The following SESN2 variants were observed in gnomAD, a reference collection of about 807,000 sequenced individuals.
The protein encoded by SESN2 is sestrin 2.
A neutral mutation model predicts 56.0 loss-of-function variants in SESN2; 42 were observed. The ratio of observed to expected loss-of-function variants is 0.75; its 90% CI spans 0.59 to 0.97. The LOEUF (loss-of-function observed/expected upper bound fraction) is 0.97. Among genes scored for constraint, SESN2 ranks in the 50% least tolerant of loss-of-function variants. The pLI is 0.00. For missense variants in SESN2, 507 were observed against 649.4 expected, an observed-to-expected ratio of 0.78 and a Z score of 2.38; for synonymous variants, 264 against 267.1, an observed-to-expected ratio of 0.99 and a Z score of 0.11.
intron 2 of SESN2, among the ~76,000 whole-genome samples, chr1:28,271,015 G>A (rs1221259722): frequency 2.0e-5 from 3 of 151,986 alleles, no homozygotes; most frequent in African/African-American, 7.2e-5. Flanking sequence ...GACCCCGTCT[G>A]TATTAAAAAA....
intron 1 of SESN2, among the ~76,000 whole-genome samples, chr1:28,262,923 G>T (rs1452221451): frequency 6.6e-6 from 1 of 152,086 alleles, no homozygotes; most frequent in Non-Finnish European, 1.5e-5. Flanking sequence ...GTGAGACTCC[G>T]TCTCAAAAAA....
intron 8 of SESN2, among the ~76,000 whole-genome samples, chr1:28,278,584 A>C (rs947161087): frequency 2.6e-5 from 4 of 152,214 alleles, no homozygotes; most frequent in Non-Finnish European, 4.4e-5. Flanking sequence ...AAACAAAAAC[A>C]TACTGAAATT....
chr1:28,274,216 T>A, intron 7 of SESN2, 58 bp downstream of exon 7: 1 of 1,131,302 alleles, frequency 8.8e-7, no homozygotes, highest in Non-Finnish European at 1.3e-6. Flanking sequence ...AAGCAGTGGG[T>A]GGATAGTTTG....
intron 2 of SESN2, among the ~76,000 whole-genome samples, 178 bp from the exon 3 acceptor site, chr1:28,271,496 C>T (rs1413723292): frequency 6.6e-6 from 1 of 152,142 alleles, no homozygotes; most frequent in Non-Finnish European, 1.5e-5. Context: ...ATATAAGGTA[C>T]CTAATAAGTA....
chr1:28,271,756 C>T lies in SESN2; in HGVS notation c.239C>T (p.Ala80Val), dbSNP rs1647783858. The T allele has an allele frequency of 6.2e-7, 1 of 1,614,184 alleles. No homozygotes were observed. The highest frequency in any genetic ancestry group is 1.1e-5 in the South Asian group (1 of 91,084). The change falls in exon 3 of 10, where the codon GCA (alanine) becomes GTA (valine). Residue 80 changes from alanine (A) to valine (V), a missense_variant. Transcript: ENST00000253063. ...TCCTCTGGGCGAGTAGACAACCTGGCAGTGGTGATGGGCCTGCACCCTGAC... is the reference window on the plus strand; with the variant it reads ...TCCTCTGGGCGAGTAGACAACCTGGTAGTGGTGATGGGCCTGCACCCTGAC... Reference protein sequence around the residue: ...LMSSGRVDNLAVVMGLHPDYF... With the variant: ...LMSSGRVDNLVVVMGLHPDYF...
At chr1:28,260,068 G>T in intron 1 of SESN2, 131 bp downstream of exon 1, 1 of 631,260 alleles carries the variant, frequency 1.6e-6, no homozygotes, top group South Asian at 2.4e-5. Context: ...CCGGGACCCG[G>T]GTTGCATCAA....
intron 2 of SESN2, among the ~76,000 whole-genome samples, chr1:28,270,944 G>A (rs1021747972): frequency 1.3e-5 from 2 of 152,200 alleles, no homozygotes; most frequent in African/African-American, 4.8e-5. Context: ...CACTTTGGGA[G>A]GCCAAGGTTT....
intron 1 of SESN2, among the ~76,000 whole-genome samples, chr1:28,267,901 T>C (rs998353950): frequency 6.6e-6 from 1 of 152,206 alleles, no homozygotes; most frequent in Non-Finnish European, 1.5e-5. Context: ...AAATGTGATC[T>C]GGTGTCAGGG....
At chr1:28,267,200 C>T (rs1647587389) in intron 1 of SESN2, among the ~76,000 whole-genome samples, 3 of 152,236 alleles carry the variant, frequency 2.0e-5, no homozygotes, top group Admixed American at 2.0e-4. Context: ...GGGGAGTGCT[C>T]AGGGATTGTG....
At position 28,272,803 on chromosome 1, in the gene SESN2, G is replaced by C; in HGVS notation, c.750+10G>C. On this transcript the variant is annotated intron_variant, in intron 5 of 9. Transcript: ENST00000253063. ...GTTGAACAACTCTGGGGTAAGTCAC[G>C]GGCCTGGGTCTTGATCGGGGAGGAA... 6.5e-7 allele frequency: 1 copy of C among 1,543,800 alleles called. No homozygotes were observed. Among genetic ancestry groups the C allele is most frequent in the South Asian group, 1.2e-5 (1 of 85,000 alleles).
At position 28,272,445 on chromosome 1, in the gene SESN2, C is replaced by T. The variant is rs373209094; in HGVS notation, c.516C>T (p.Leu172=). 6 of 1,613,130 alleles carry T rather than the reference C, an allele frequency of 3.7e-6. No homozygotes were observed. In the African/African-American group the frequency reaches 5.3e-5, roughly 14 times the overall value. The stretch of plus-strand genomic sequence containing the variant: ...AGTTGCTGGCGCATCGGCCATGGCT[C>T]ATCACCAAGGAACACATCCAGGTGC... ...INKLLAHRPW[L]ITKEHIQALL... is the part of the protein sequence containing the mutation. The change falls in exon 4 of 10, where the codon CTC becomes CTT. Residue 172 remains leucine, a synonymous_variant. Transcript: ENST00000253063.
At chr1:28,272,503 C>A in intron 4 of SESN2, 37 bp downstream of exon 4, 3 of 1,609,562 alleles carry the variant, frequency 1.9e-6, no homozygotes, top group Non-Finnish European at 1.7e-6. Flanking sequence ...TGAGGGAGCA[C>A]AGAGGCCTGG....
intron 8 of SESN2, among the ~76,000 whole-genome samples, chr1:28,276,878 C>CTTT (rs56403975): frequency 2.5e-5 from 3 of 117,972 alleles, no homozygotes; most frequent in Admixed American, 8.6e-5. Context: ...TGCGCCCAGC[C>CTTT]TTTTTTTTTT....
intron 7 of SESN2, among the ~76,000 whole-genome samples, chr1:28,274,528 C>CAA (rs111581518): frequency 3.2e-4 from 43 of 135,090 alleles, no homozygotes; most frequent in African/African-American, 1.1e-3. Context: ...GATCCTGTCT[C>CAA]AAAAAAAAAA....
intron 9 of SESN2, among the ~76,000 whole-genome samples, chr1:28,280,171 C>G (rs1469239216): frequency 6.6e-6 from 1 of 151,988 alleles, no homozygotes; most frequent in Admixed American, 6.6e-5. Flanking sequence ...CTCAAGTGAT[C>G]CTCTCACCTC....
intron 1 of SESN2, among the ~76,000 whole-genome samples, chr1:28,261,390 C>A (rs377220236): frequency 1.3e-5 from 2 of 152,136 alleles, no homozygotes; most frequent in Non-Finnish European, 2.9e-5. Flanking sequence ...ATGTCCCAGC[C>A]CTCCTGCTAA....
At chr1:28,269,826 T>C (rs1188456037) in intron 2 of SESN2, among the ~76,000 whole-genome samples, 1 of 152,222 alleles carries the variant, frequency 6.6e-6, no homozygotes, top group East Asian at 1.9e-4. Flanking sequence ...ACATCTTTCA[T>C]CTACTGAGTC....
intron 1 of SESN2, among the ~76,000 whole-genome samples, chr1:28,262,695 G>A (rs987877165): frequency 1.3e-5 from 2 of 150,826 alleles, no homozygotes; most frequent in South Asian, 2.1e-4. Flanking sequence ...TTGGGAGGCC[G>A]AGGTAGGTGG....
At chr1:28,269,118 G>A in intron 1 of SESN2, 65 bp from the exon 2 acceptor site, 3 of 1,182,974 alleles carry the variant, frequency 2.5e-6, no homozygotes, top group South Asian at 1.3e-5. Context: ...GGAAGAGGCT[G>A]GATAGGTAAT....
Sources: allele counts gnomAD v4.1 joint callset (sites outside exome capture counted in the v4.1 genomes callset), GRCh38; gene constraint gnomAD v4.1.1; transcripts MANE v1.5; gene names NCBI Gene and HGNC (gene_info 2026-07-23, HGNC 2026-07-21).